Variants in SNPH observed in about 807,000 individuals in gnomAD.
SNPH encodes syntaphilin.
A neutral mutation model predicts 36.8 loss-of-function variants in SNPH; 10 were observed. That is an observed-to-expected ratio of 0.27 (90% confidence interval 0.17 to 0.46). SNPH has a LOEUF of 0.46. Ranked by LOEUF, SNPH falls within the 20% of genes least tolerant of loss-of-function variation. The pLI, the probability that SNPH is intolerant of heterozygous loss-of-function variation, is 1.00. For synonymous variants in SNPH, 281 were observed against 312.2 expected (o/e 0.90, Z 1.05); for missense variants, 622 against 744.0 (o/e 0.84, Z 1.91).
At chr20:1,284,822 C>T (rs545238983) in intron 2 of SNPH, among the ~76,000 whole-genome samples, 2 of 152,270 alleles carry the variant, frequency 1.3e-5, no homozygotes, top group East Asian at 3.9e-4. Flanking sequence ...AACTTTACAT[C>T]AGCCGAAGAA....
intron 6 of SNPH, among the ~76,000 whole-genome samples, chr20:1,302,724 C>T (rs73075655): frequency 0.052 from 7,884 of 152,334 alleles, 248 homozygotes; most frequent in Middle Eastern, 0.12. Flanking sequence ...AATGGGATCA[C>T]GCTGTATGCA....
intron 2 of SNPH, among the ~76,000 whole-genome samples, chr20:1,277,821 GTCTGTGTA>G (rs2088160966): frequency 6.7e-6 from 1 of 148,630 alleles, no homozygotes; most frequent in South Asian, 2.2e-4. Context: ...GTGCCTGTGT[GTCTGTGTA>G]TCTGTGTGTG....
intron 2 of SNPH, among the ~76,000 whole-genome samples, chr20:1,289,151 T>G (rs1373706681): frequency 6.6e-6 from 1 of 152,158 alleles, no homozygotes; most frequent in Admixed American, 6.5e-5. Flanking sequence ...GAAATGCAGG[T>G]GCCCATGACC....
chr20:1,276,270 C>T lies in SNPH; in HGVS notation c.-493+9510C>T, dbSNP rs1172772546. ...GCCGTGTGTTTGAGAGAGAAGCCCT[C>T]AGAGGTTGTTAGGCCTGGTAGAGGT... is the stretch of plus-strand genomic sequence containing the variant. On this transcript the variant is annotated intron_variant, in intron 2 of 6. Transcript: ENST00000381867. This position sits in a 1 kb window ranked among gnomAD's most constrained non-coding sequence, Gnocchi z 4.6. Among the ~76,000 whole-genome samples the T allele has an allele frequency of 6.6e-6, 1 of 152,196 alleles. No individual in the cohort carries two copies. The highest frequency in any genetic ancestry group is 1.5e-5 in the Non-Finnish European group (1 of 68,028).
At chr20:1,269,645 A>C (rs895278784) in intron 2 of SNPH, among the ~76,000 whole-genome samples, 2 of 152,218 alleles carry the variant, frequency 1.3e-5, no homozygotes, top group Non-Finnish European at 2.9e-5. Context: ...TGATTGGTGC[A>C]GGGTACTTCC....
In SNPH at chr20:1,296,419, C is replaced by T; in HGVS notation, c.180C>T (p.Arg60=). 6.3e-7 allele frequency: 1 copy of T among 1,597,160 alleles called. No individual in the cohort carries two copies. Among genetic ancestry groups the T allele is most frequent in the Non-Finnish European group, 8.5e-7 (1 of 1,172,672 alleles). ...PGSRRTSAGS[R]RRTSPPVSVR... is the part of the protein sequence containing the mutation. ...GTAGACGGACCTCTGCTGGATCACG[C>T]AGGTGAGTCTCCCCCTCGCTCACAG... Residue 60 remains arginine, a splice_region_variant and synonymous_variant, in exon 4 of 7, where the codon CGC becomes CGT. Transcript: ENST00000381867.
rs2088604037 is a variant in SNPH, at chr20:1,308,041, A to G, written c.*1987A>G. ...AAAAGAAATGTATGAACTATATTTGACAACATAAAATCTCTCTATTTTTCA... is the reference window on the plus strand; with the variant it reads ...AAAAGAAATGTATGAACTATATTTGGCAACATAAAATCTCTCTATTTTTCA... On this transcript the variant is annotated 3_prime_UTR_variant, in exon 7 of 7. Coordinates refer to ENST00000381867, the MANE Select transcript of SNPH (RefSeq NM_001318234.2). The G allele has an allele frequency of 6.5e-6, 1 of 152,734 alleles. No homozygotes were observed. Among genetic ancestry groups the G allele is most frequent in the Non-Finnish European group, 1.5e-5 (1 of 68,126 alleles). The allele number at this position is 152,734 out of a possible 1,614,324, so 9.5% of individuals were successfully genotyped here.
rs201726167 is a variant in SNPH, at chr20:1,300,579, C to T, written c.308C>T (p.Thr103Met). 6.4e-5 allele frequency: 104 copies of T among 1,613,822 alleles called. No individual in the cohort carries two copies. Among genetic ancestry groups the T allele is most frequent in the South Asian group, 5.5e-4 (50 of 91,076 alleles). The change falls in exon 6 of 7, where the codon ACG (threonine) becomes ATG (methionine). Residue 103 changes from threonine (T) to methionine (M), a missense_variant. Thr to Met is a moderately conservative substitution (Grantham distance 81). Transcript: ENST00000381867. ...CCTTGCAGGCGCTCCATGAAATACA[C>T]GCTGTGCAGTGACAACCATGGCATC... ...SPTPRRSMKY[T>M]LCSDNHGIKP... is the part of the protein sequence containing the mutation.
intron 2 of SNPH, among the ~76,000 whole-genome samples, chr20:1,290,749 A>G (rs913894460): frequency 1.3e-5 from 2 of 152,190 alleles, no homozygotes; most frequent in Admixed American, 1.3e-4. Flanking sequence ...TTCTATGTTT[A>G]ACTTTTCGAG....
chr20:1,299,033 T>A (rs536984711), intron 5 of SNPH, among the ~76,000 whole-genome samples: 1 of 151,632 alleles, frequency 6.6e-6, no homozygotes, highest in African/African-American at 2.4e-5. Context: ...TGCCAAGGGG[T>A]GACTCCTCCG....
chr20:1,303,307 G>C (rs2088525995), intron 6 of SNPH, among the ~76,000 whole-genome samples: 1 of 152,260 alleles, frequency 6.6e-6, no homozygotes, highest in Non-Finnish European at 1.5e-5. Flanking sequence ...CTTCAGATGT[G>C]ATGCCCACTG....
At chr20:1,296,797 AC>A (rs2088441490) in intron 4 of SNPH, among the ~76,000 whole-genome samples, 2 of 151,256 alleles carry the variant, frequency 1.3e-5, no homozygotes, top group Non-Finnish European at 3.0e-5. Flanking sequence ...ATTCTTCTCC[AC>A]CTCTGTCTCA....
intron 2 of SNPH, among the ~76,000 whole-genome samples, chr20:1,283,335 AC>A (rs2088247937): frequency 6.6e-6 from 1 of 152,148 alleles, no homozygotes; most frequent in Admixed American, 6.5e-5. Flanking sequence ...GGCAAGTGCC[AC>A]CCACCCCCAC....
intron 2 of SNPH, among the ~76,000 whole-genome samples, chr20:1,267,706 T>C (rs570795615): frequency 1.3e-5 from 2 of 152,222 alleles, no homozygotes; most frequent in African/African-American, 4.8e-5. Context: ...TAAGGCAATT[T>C]AAATTTAGTT....
At position 1,297,192 on chromosome 20, in the gene SNPH, C is replaced by T. The variant is rs921279265; in HGVS notation, c.230C>T (p.Ser77Leu). 16 of 1,613,826 alleles carry T rather than the reference C, an allele frequency of 9.9e-6. No homozygotes were observed. Among genetic ancestry groups the T allele is most frequent in the East Asian group, 2.2e-5 (1 of 44,886 alleles). The part of the protein sequence containing the change: ...VSVRDAYGTS[S>L]LSSSSNSGSY... ...GTGCGGGATGCCTACGGCACCTCTT[C>T]GCTCAGCAGCAGCAGCAATTCTGGC... The change falls in exon 5 of 7, where the codon TCG becomes TTG. Residue 77 changes from serine (S) to leucine (L), a missense_variant. Physicochemically the swap from Ser to Leu is moderately radical, Grantham distance 145. Transcript: ENST00000381867.
At position 1,284,444 on chromosome 20, in the gene SNPH, C is replaced by G. The variant is rs189969368; in HGVS notation, c.-492-10507C>G. ...ATAAAATGGGCATCCATCCTTACCT[C>G]TCTGGAGCTTATATTCTAAAGACAT... On this transcript the variant is annotated intron_variant, in intron 2 of 6. Transcript: ENST00000381867. Among the ~76,000 whole-genome samples, 6 of 152,308 alleles carry G rather than the reference C, an allele frequency of 3.9e-5. No individual in the cohort carries two copies. The East Asian group carries it at 1.2e-3, about 29-fold the overall frequency.
chr20:1,303,530 A>G (rs898017316), intron 6 of SNPH, among the ~76,000 whole-genome samples: 7 of 152,218 alleles, frequency 4.6e-5, no homozygotes, highest in African/African-American at 1.7e-4. Context: ...GTGAAGGCCA[A>G]GTATCTCCTG....
chr20:1,300,376 G>C (rs1044191922), intron 5 of SNPH, among the ~76,000 whole-genome samples, 186 bp from the exon 6 acceptor site: 3 of 152,154 alleles, frequency 2.0e-5, no homozygotes, highest in Admixed American at 6.5e-5. Flanking sequence ...TCTTCACTTA[G>C]AGGAACTCTA....
At chr20:1,277,119 G>A (rs896169723) in intron 2 of SNPH, among the ~76,000 whole-genome samples, 4 of 152,182 alleles carry the variant, frequency 2.6e-5, no homozygotes, top group Admixed American at 6.5e-5. Context: ...GGCATGTGGC[G>A]AAATGTTTAG....
Sources: gnomAD v4.1 joint callset for allele counts (sites outside exome capture counted in the v4.1 genomes callset) on GRCh38, gnomAD v4.1.1 for gene constraint, Gnocchi (gnomAD v3.1) non-coding constraint, MANE v1.5 for transcripts, NCBI Gene and HGNC (gene_info 2026-07-23, HGNC 2026-07-21) for gene names.